SFMBT2: variants seen among roughly 807,000 people sequenced by gnomAD.
SFMBT2 encodes scm-like with four MBT domains protein 2.
A neutral mutation model predicts 110.1 loss-of-function variants in SFMBT2; 38 were observed. That is an observed-to-expected ratio of 0.35 (90% CI 0.27 to 0.45). SFMBT2 has a LOEUF of 0.45. Among genes scored for constraint, SFMBT2 ranks in the 20% least tolerant of loss-of-function variants. SFMBT2 has a pLI of 1.00. For missense variants in SFMBT2, 1,011 were observed against 1,094.9 expected (o/e 0.92, Z 1.08); for synonymous variants, 425 against 425.4 (o/e 1.00, Z 0.01).
intron 4 of SFMBT2, among the ~76,000 whole-genome samples, chr10:7,298,756 CAT>C (rs1842481376): frequency 6.6e-6 from 1 of 151,686 alleles, no homozygotes; most frequent in Non-Finnish European, 1.5e-5. Flanking sequence ...TGTGTGTGTG[CAT>C]ATGTGTGTGT....
intron 1 of SFMBT2, among the ~76,000 whole-genome samples, chr10:7,409,095 C>G (rs1846300770): frequency 6.9e-6 from 1 of 145,384 alleles, no homozygotes; most frequent in Non-Finnish European, 1.5e-5. Flanking sequence ...CCCACCCCAC[C>G]ACCACCACCA....
At chr10:7,288,177 A>C (rs1842153157) in intron 4 of SFMBT2, among the ~76,000 whole-genome samples, 1 of 152,178 alleles carries the variant, frequency 6.6e-6, no homozygotes, top group Non-Finnish European at 1.5e-5. Context: ...CAGTGGCCGG[A>C]CCTGCTGCTT....
intron 4 of SFMBT2, among the ~76,000 whole-genome samples, chr10:7,327,552 G>T (rs1843430712): frequency 6.6e-6 from 1 of 152,056 alleles, no homozygotes; most frequent in African/African-American, 2.4e-5. Context: ...GTGGTAGCGT[G>T]TGCCTGTAAT....
chr10:7,248,660 A>G lies in SFMBT2; in HGVS notation c.871-11T>C, dbSNP rs773569573. 13 of 1,612,638 alleles carry G rather than the reference A, an allele frequency of 8.1e-6. No homozygotes were observed. In the African/African-American group the frequency reaches 1.7e-4, roughly 22 times the overall value. On this transcript the variant is annotated splice_polypyrimidine_tract_variant and intron_variant, in intron 7 of 20. Transcript: ENST00000397167. ...CAAATCTGCGTGATCCTGCAGGGAG[A>G]AAGATGAAAATATTGAAAGCCACGG...
chr10:7,223,456 G>A (rs1484439795), intron 10 of SFMBT2, among the ~76,000 whole-genome samples: 3 of 151,852 alleles, frequency 2.0e-5, no homozygotes, highest in Non-Finnish European at 4.4e-5. Context: ...TTCTTATTCA[G>A]CCACCTCTTT....
intron 8 of SFMBT2, chr10:7,244,109 C>T: frequency 6.4e-6 from 4 of 623,274 alleles, no homozygotes; most frequent in Non-Finnish European, 8.0e-6. Flanking sequence ...ACTCTTTACA[C>T]CAGATCACTC....
Position 7,367,653 on chromosome 10 carries a change from C to A in SFMBT2, c.432G>T (p.Pro144=). The A allele has an allele frequency of 6.2e-7, 1 of 1,608,610 alleles. No homozygotes were observed. The highest frequency in any genetic ancestry group is 1.1e-5 in the South Asian group (1 of 90,914). ...GCCTTTGAAACAGGGGCTCACCGTC[C>A]GGCGGCATCAACACCTTGTTGTTCT... The part of the protein sequence containing the change: ...CTQNNKVLMP[P]DAIKEKYTDW... Residue 144 remains proline, a synonymous_variant, in exon 4 of 21, where the codon CCG becomes CCT. Transcript: ENST00000397167. This position sits in a 1 kb window ranked among gnomAD's most constrained non-coding sequence, Gnocchi z 6.2.
chr10:7,249,623 T>A, intron 7 of SFMBT2: 1 of 866,182 alleles, frequency 1.2e-6, no homozygotes, highest in Non-Finnish European at 1.4e-6. Context: ...GGTTTTTAAT[T>A]ACTCCAACGA....
intron 9 of SFMBT2, among the ~76,000 whole-genome samples, chr10:7,242,538 T>C (rs1044382438): frequency 9.9e-5 from 15 of 152,226 alleles, no homozygotes; most frequent in African/African-American, 7.2e-5. Context: ...GTTTACCATA[T>C]ACCATTAGGC....
At chr10:7,393,137 T>C (rs141558401) in intron 1 of SFMBT2, among the ~76,000 whole-genome samples, 15,151 of 150,656 alleles carry the variant, frequency 0.1, 918 homozygotes, top group African/African-American at 0.16. Context: ...TTCAAGTGAT[T>C]CTCCTGCCTC....
chr10:7,184,102 G>A (rs1022553278), intron 16 of SFMBT2, among the ~76,000 whole-genome samples: 3 of 152,116 alleles, frequency 2.0e-5, no homozygotes, highest in Admixed American at 6.5e-5. Context: ...TTCTTTCCAC[G>A]TCCAAGTGCA....
intron 7 of SFMBT2, among the ~76,000 whole-genome samples, chr10:7,254,033 G>A (rs913327718): frequency 2.6e-5 from 4 of 152,090 alleles, no homozygotes; most frequent in African/African-American, 7.2e-5. Context: ...ATTTTCTGAC[G>A]GGGTTTGCCA....
chr10:7,264,970 T>C (rs554791270), intron 7 of SFMBT2, among the ~76,000 whole-genome samples: 62 of 148,108 alleles, frequency 4.2e-4, no homozygotes, highest in African/African-American at 1.3e-3. Flanking sequence ...ACATAAAACA[T>C]GTGTAGACAT....
intron 1 of SFMBT2, among the ~76,000 whole-genome samples, 116 bp downstream of exon 1, chr10:7,410,745 T>TTC (rs1292818772): frequency 6.7e-6 from 1 of 149,028 alleles, no homozygotes; most frequent in African/African-American, 2.5e-5. Flanking sequence ...TTTTTTTTTT[T>TTC]CCTTTTTTTT....
intron 17 of SFMBT2, among the ~76,000 whole-genome samples, chr10:7,174,312 C>T (rs923327721): frequency 2.6e-5 from 4 of 152,220 alleles, no homozygotes; most frequent in African/African-American, 4.8e-5. Flanking sequence ...AAACCCCAAG[C>T]GTGCATGACA....
At chr10:7,306,251 C>T (rs1179615422) in intron 4 of SFMBT2, among the ~76,000 whole-genome samples, 1 of 152,200 alleles carries the variant, frequency 6.6e-6, no homozygotes, top group Non-Finnish European at 1.5e-5. Flanking sequence ...GGCTTTCAGG[C>T]CAAACTCCAC....
intron 4 of SFMBT2, among the ~76,000 whole-genome samples, chr10:7,351,464 C>G (rs1844311768): frequency 6.6e-6 from 1 of 152,176 alleles, no homozygotes; most frequent in Admixed American, 6.5e-5. Flanking sequence ...GTCTCATTAT[C>G]TCCAGTTTAC....
intron 16 of SFMBT2, among the ~76,000 whole-genome samples, chr10:7,187,019 CA>C (rs1443766966): frequency 1.3e-5 from 2 of 152,156 alleles, no homozygotes; most frequent in African/African-American, 2.4e-5. Context: ...TGGGTTTCAC[CA>C]TGTCTGTTTT....
intron 6 of SFMBT2, among the ~76,000 whole-genome samples, chr10:7,281,098 T>C (rs932483862): frequency 3.3e-5 from 5 of 151,976 alleles, no homozygotes; most frequent in Non-Finnish European, 7.4e-5. Flanking sequence ...ATTAAAAAAT[T>C]AGCCAGGGAT....
Sources: allele counts gnomAD v4.1 joint callset (sites outside exome capture counted in the v4.1 genomes callset), GRCh38; gene constraint gnomAD v4.1.1; non-coding constraint Gnocchi (gnomAD v3.1); transcripts MANE v1.5; gene names NCBI Gene and HGNC (gene_info 2026-07-23, HGNC 2026-07-21).